PARD3B: variants seen among roughly 807,000 people sequenced by gnomAD.
PARD3B encodes partitioning defective 3 homolog B.
Under a neutral mutation model 130.2 loss-of-function variants are expected in PARD3B, and 103 were observed. That is an observed-to-expected ratio of 0.79 (90% CI 0.67 to 0.93). The LOEUF (loss-of-function observed/expected upper bound fraction) is 0.93. Among genes scored for constraint, PARD3B ranks in the 40% least tolerant of loss-of-function variants. PARD3B has a pLI of 0.00. For missense variants in PARD3B, 1,609 were observed against 1,499.2 expected, an observed-to-expected ratio of 1.07 and a Z score of -1.21; for synonymous variants, 583 against 553.2, an observed-to-expected ratio of 1.05 and a Z score of -0.76.
chr2:205,561,852 G>A (rs1382313975), intron 22 of PARD3B, among the ~76,000 whole-genome samples: 1 of 152,144 alleles, frequency 6.6e-6, no homozygotes, highest in Non-Finnish European at 1.5e-5. Flanking sequence ...GAAAATCAGT[G>A]AAGCTCTTTT....
At chr2:205,027,178 C>G (rs931901748) in intron 3 of PARD3B, among the ~76,000 whole-genome samples, 9 of 152,076 alleles carry the variant, frequency 5.9e-5, no homozygotes, top group South Asian at 2.1e-4. Context: ...CCATTCCCAT[C>G]GTGCACAAGG....
chr2:205,425,473 T>G (rs527263681), intron 19 of PARD3B, among the ~76,000 whole-genome samples: 1 of 151,702 alleles, frequency 6.6e-6, no homozygotes, highest in South Asian at 2.1e-4. Flanking sequence ...GATCTTGCCA[T>G]TTGGCATTGT....
Position 205,297,147 on chromosome 2 carries a change from A to C in PARD3B, c.2186-3383A>C, listed in dbSNP as rs539602235. Among the ~76,000 whole-genome samples the C allele has an allele frequency of 2.6e-5, 4 of 152,302 alleles. No homozygotes were observed. The East Asian group carries it at 7.7e-4, about 29-fold the overall frequency. On this transcript the variant is annotated intron_variant, in intron 16 of 22. Coordinates refer to ENST00000406610, the MANE Select transcript of PARD3B (RefSeq NM_001302769.2). ...CCAATATCGCATCAGCTATAGATGA[A>C]AATATGAAGAGTCATCATATTTTAG...
intron 21 of PARD3B, among the ~76,000 whole-genome samples, chr2:205,527,641 G>A (rs2051396181): frequency 1.3e-5 from 2 of 152,106 alleles, no homozygotes; most frequent in African/African-American, 4.8e-5. Flanking sequence ...GTAGTGTAAG[G>A]CCAGGCAAAG....
At position 205,397,737 on chromosome 2, in the gene PARD3B, C is replaced by G. The variant is rs1259513005; in HGVS notation, c.2631-3276C>G. Among the ~76,000 whole-genome samples, 1 of 152,038 alleles carries G rather than the reference C, an allele frequency of 6.6e-6. No individual in the cohort carries two copies. The highest frequency in any genetic ancestry group is 2.4e-5 in the African/African-American group (1 of 41,372). ...CAACCTCCTAAAGCATTATTTCTAC[C>G]CTGACTCCCCACCGTGTTGAATATT... is the stretch of plus-strand genomic sequence containing the variant. On this transcript the variant is annotated intron_variant, in intron 18 of 22. Transcript: ENST00000406610. The surrounding 1 kb of genome is among the most constrained non-coding windows in gnomAD (Gnocchi z 4.8).
chr2:205,249,072 C>T (rs1198091857), intron 16 of PARD3B, among the ~76,000 whole-genome samples: 2 of 141,746 alleles, frequency 1.4e-5, no homozygotes, highest in Admixed American at 7.2e-5. Context: ...TGTAGTGGCA[C>T]GATCTCTGCT....
chr2:205,577,567 C>A (rs1227931344), intron 22 of PARD3B, among the ~76,000 whole-genome samples: 1 of 152,064 alleles, frequency 6.6e-6, no homozygotes, highest in African/African-American at 2.4e-5. Flanking sequence ...CCCATATGGG[C>A]CAAACTACAG....
intron 16 of PARD3B, among the ~76,000 whole-genome samples, chr2:205,250,696 A>G (rs1244046052): frequency 6.6e-6 from 1 of 152,156 alleles, no homozygotes; most frequent in African/African-American, 2.4e-5. Flanking sequence ...TGGGAGGCCA[A>G]GGCAGGTGGA....
At chr2:205,075,733 A>G (rs987482282) in intron 4 of PARD3B, among the ~76,000 whole-genome samples, 4 of 151,410 alleles carry the variant, frequency 2.6e-5, no homozygotes, top group African/African-American at 7.3e-5. Context: ...TGATACAATC[A>G]TGAAAATATA....
intron 2 of PARD3B, among the ~76,000 whole-genome samples, chr2:204,757,566 C>T (rs768620812): frequency 1.2e-4 from 19 of 152,042 alleles, no homozygotes; most frequent in Admixed American, 2.0e-4. Context: ...TTTTGAGAAG[C>T]ATCTTTGTCC....
At chr2:205,098,782 G>T (rs1702561639) in intron 4 of PARD3B, among the ~76,000 whole-genome samples, 2 of 152,076 alleles carry the variant, frequency 1.3e-5, no homozygotes, top group African/African-American at 4.8e-5. Flanking sequence ...TAGCGCTAGT[G>T]CTAACCAAAT....
chr2:205,137,605 C>T (rs1271576252), intron 10 of PARD3B, among the ~76,000 whole-genome samples: 1 of 152,172 alleles, frequency 6.6e-6, no homozygotes, highest in African/African-American at 2.4e-5. Context: ...TTATTTCTCG[C>T]AGTTCTGTGG....
Position 205,281,602 on chromosome 2 carries a change from T to C in PARD3B, c.2186-18928T>C, listed in dbSNP as rs1400000472. Among the ~76,000 whole-genome samples the C allele has an allele frequency of 1.3e-5, 2 of 152,200 alleles. No homozygotes were observed. Among genetic ancestry groups the C allele is most frequent in the African/African-American group, 4.8e-5 (2 of 41,450 alleles). ...TTGGGAAAATACATGCCTCACATCA[T>C]AGACTGATTTGTACAAAATATAGTA... On this transcript the variant is annotated intron_variant, in intron 16 of 22. Transcript: ENST00000406610. The surrounding 1 kb of genome is among the most constrained non-coding windows in gnomAD (Gnocchi z 4.2).
intron 3 of PARD3B, among the ~76,000 whole-genome samples, chr2:205,022,393 C>T (rs1029223328): frequency 9.9e-5 from 15 of 152,102 alleles, no homozygotes; most frequent in South Asian, 2.1e-4. Flanking sequence ...TTCATTCTAG[C>T]GAAACCAACT....
chr2:204,981,547 C>T (rs970357747), intron 3 of PARD3B, among the ~76,000 whole-genome samples: 1 of 152,126 alleles, frequency 6.6e-6, no homozygotes, highest in Non-Finnish European at 1.5e-5. Flanking sequence ...AAATGACAAT[C>T]TAAAATTCAT....
rs1187422989 is a variant in PARD3B at position 205,590,758 on chromosome 2, GA to G, written c.3261-24696del. ...GGATCAAGGATGAAGGAGAAAAGTA[GA>G]AGCTGTTGCCACATATTCACAAGAA... On this transcript the variant is annotated intron_variant, in intron 22 of 22. Transcript: ENST00000406610. The surrounding 1 kb of genome is among the most constrained non-coding windows in gnomAD (Gnocchi z 4.1). Among the ~76,000 whole-genome samples the G allele has an allele frequency of 1.3e-5, 2 of 152,178 alleles. No homozygotes were observed. Among genetic ancestry groups the G allele is most frequent in the African/African-American group, 4.8e-5 (2 of 41,450 alleles).
intron 21 of PARD3B, among the ~76,000 whole-genome samples, chr2:205,532,221 G>C (rs542391947): frequency 6.6e-6 from 1 of 152,318 alleles, no homozygotes; most frequent in Admixed American, 6.5e-5. Flanking sequence ...AAAAAACGAA[G>C]AGAAATTGTT....
intron 15 of PARD3B, among the ~76,000 whole-genome samples, chr2:205,218,113 G>T (rs1474185673): frequency 6.6e-6 from 1 of 151,434 alleles, no homozygotes; most frequent in African/African-American, 2.4e-5. Context: ...GGCTGGTCTC[G>T]AACTCCTGAC....
At chr2:204,666,381 A>G (rs767963248) in intron 1 of PARD3B, among the ~76,000 whole-genome samples, 11 of 152,192 alleles carry the variant, frequency 7.2e-5, no homozygotes, top group Non-Finnish European at 1.0e-4. Context: ...GGAAAAATAA[A>G]AGGTAATTTC....
Sources: allele counts gnomAD v4.1 joint callset (sites outside exome capture counted in the v4.1 genomes callset), GRCh38; gene constraint gnomAD v4.1.1; non-coding constraint Gnocchi (gnomAD v3.1); transcripts MANE v1.5; gene names NCBI Gene and HGNC (gene_info 2026-07-23, HGNC 2026-07-21).